The following IPO7 variants were observed in gnomAD, a reference collection of about 807,000 sequenced individuals.
IPO7 encodes the protein importin 7, also known as importin-7.
A neutral mutation model predicts 136.4 loss-of-function variants in IPO7; 13 were observed. That is an observed-to-expected ratio of 0.10 (90% CI 0.06 to 0.15). The LOEUF is 0.15. Among genes scored for constraint, IPO7 ranks in the 10% least tolerant of loss-of-function variants. The probability of loss-of-function intolerance (pLI) is 1.00; values close to 1 mark genes in which losing one functional copy is unlikely to be tolerated. For missense variants in IPO7, 857 were observed against 1,240.6 expected (o/e 0.69, Z 4.65); for synonymous variants, 403 against 404.4 (o/e 1.00, Z 0.04).
intron 1 of IPO7, among the ~76,000 whole-genome samples, chr11:9,389,330 T>C (rs1854596465): frequency 6.6e-6 from 1 of 152,222 alleles, no homozygotes; most frequent in Non-Finnish European, 1.5e-5. Context: ...ATTACAGGCA[T>C]GAGCCACCAC....
chr11:9,426,901 G>A (rs1176153082), intron 12 of IPO7, among the ~76,000 whole-genome samples: 1 of 107,484 alleles, frequency 9.3e-6, no homozygotes, highest in Non-Finnish European at 2.4e-5. Context: ...TGAGATTTCC[G>A]CCTCCCCGCC....
intron 13 of IPO7, 40 bp from the exon 14 acceptor site, chr11:9,428,991 G>A: frequency 1.9e-6 from 3 of 1,569,056 alleles, no homozygotes; most frequent in Non-Finnish European, 2.6e-6. Context: ...GGGAATTTAA[G>A]GTAAGGTATC....
At chr11:9,443,545 C>T (rs556075028) in intron 24 of IPO7, among the ~76,000 whole-genome samples, 28 of 145,110 alleles carry the variant, frequency 1.9e-4, no homozygotes, top group African/African-American at 6.2e-4. Context: ...GAGCCGAGGT[C>T]GCGCCATTGC....
At chr11:9,388,832 G>A (rs1406733690) in intron 1 of IPO7, among the ~76,000 whole-genome samples, 1 of 152,118 alleles carries the variant, frequency 6.6e-6, no homozygotes, top group Non-Finnish European at 1.5e-5. Flanking sequence ...CTCCCAGGTG[G>A]CTGGGACTGC....
intron 2 of IPO7, among the ~76,000 whole-genome samples, chr11:9,405,773 T>G (rs1227756937): frequency 1.3e-5 from 2 of 152,232 alleles, no homozygotes; most frequent in Non-Finnish European, 2.9e-5. Flanking sequence ...AACTCCCTGG[T>G]CAGCAGTAAA....
intron 1 of IPO7, among the ~76,000 whole-genome samples, chr11:9,401,916 A>T (rs563654615): frequency 1.3e-4 from 20 of 152,152 alleles, no homozygotes; most frequent in African/African-American, 4.6e-4. Flanking sequence ...ACTACCCCCA[A>T]ACTATTCATT....
chr11:9,418,991 A>ATT (rs1855083958), intron 6 of IPO7, among the ~76,000 whole-genome samples: 1 of 152,172 alleles, frequency 6.6e-6, no homozygotes, highest in Non-Finnish European at 1.5e-5. Flanking sequence ...GATATATCAC[A>ATT]ATTTATGTAT....
At chr11:9,397,341 A>AAAAAAAAAAAAAAATATATATATATATAT in intron 1 of IPO7, among the ~76,000 whole-genome samples, 15 of 10,758 alleles carry the variant, frequency 1.4e-3, no homozygotes, top group South Asian at 6.6e-3. Context: ...TTTAAAAAAA[A>AAAAAAAAAAAAAAATATATATATATATAT]ATATATATAT....
chr11:9,419,399 T>C (rs1855091385), intron 6 of IPO7, among the ~76,000 whole-genome samples: 1 of 151,436 alleles, frequency 6.6e-6, no homozygotes, highest in Admixed American at 6.6e-5. Context: ...AATACAAACA[T>C]TAGCTGGGCG....
In IPO7 at chr11:9,384,696, C is replaced by A; in HGVS notation, c.-68C>A. The A allele has an allele frequency of 7.6e-7, 1 of 1,323,232 alleles. No homozygotes were observed. The highest frequency in any genetic ancestry group is 1.0e-6 in the Non-Finnish European group (1 of 953,448). 82.0% of individuals were successfully genotyped at this position (1,323,232 alleles called of 1,614,324 possible). A position where few individuals can be genotyped will look rare whatever the true frequency, so the allele number is the denominator to read the frequency against. ...CTGCGGAGCGCGGCGGGTCCATGTG[C>A]GCAGTGAGTGGCGCTATTCCTGGCC... On this transcript the variant is annotated 5_prime_UTR_variant, in exon 1 of 25. The change creates a premature stop within an existing upstream ORF in the 5' untranslated region. Transcript: ENST00000379719.
chr11:9,430,334 A>G (rs561536924), intron 15 of IPO7: 73 of 155,100 alleles, frequency 4.7e-4, no homozygotes, highest in African/African-American at 1.7e-3. Context: ...CGGAGAAAAT[A>G]TGAGGTATAA....
At chr11:9,389,293 C>T (rs1854595212) in intron 1 of IPO7, among the ~76,000 whole-genome samples, 1 of 152,174 alleles carries the variant, frequency 6.6e-6, no homozygotes, top group Non-Finnish European at 1.5e-5. Flanking sequence ...AAGTGATCCA[C>T]TCACCTTGGC....
At chr11:9,431,993 G>GA (rs1190520044) in intron 16 of IPO7, among the ~76,000 whole-genome samples, 1 of 151,914 alleles carries the variant, frequency 6.6e-6, no homozygotes, top group African/African-American at 2.4e-5. Flanking sequence ...AAGAAAGAAA[G>GA]AAAAAACAAT....
Position 9,445,358 on chromosome 11 carries a change from C to G in IPO7, c.*164C>G. On this transcript the variant is annotated 3_prime_UTR_variant, in exon 25 of 25. Transcript: ENST00000379719. ...TGGGACCTGATCATGCAACCTGGCA[C>G]TGGAAAAGAAATCAGCGGGATTTTG... 1.7e-5 allele frequency: 3 copies of G among 176,486 alleles called. No homozygotes were observed. The highest frequency in any genetic ancestry group is 2.2e-5 in the Non-Finnish European group (2 of 91,230). 10.9% of individuals were successfully genotyped at this position (176,486 alleles called of 1,614,324 possible).
At chr11:9,429,926 T>G (rs1590448014) in intron 15 of IPO7, 92 bp downstream of exon 15, 1 of 896,598 alleles carries the variant, frequency 1.1e-6, no homozygotes. Flanking sequence ...CCTTACCTTA[T>G]AGCAGTCAAC....
At chr11:9,424,125 A>T (rs913439909) in intron 10 of IPO7, among the ~76,000 whole-genome samples, 3 of 152,208 alleles carry the variant, frequency 2.0e-5, no homozygotes, top group Non-Finnish European at 2.9e-5. Flanking sequence ...GATATTCAAG[A>T]TTACACCTCA....
intron 2 of IPO7, among the ~76,000 whole-genome samples, chr11:9,405,913 AG>A (rs2133733995): frequency 6.8e-6 from 1 of 147,158 alleles, no homozygotes; most frequent in African/African-American, 2.5e-5. Context: ...TGTCTTCCAC[AG>A]GGTCTTGATC....
chr11:9,414,141 C>T, intron 4 of IPO7, 114 bp from the exon 5 acceptor site: 2 of 738,342 alleles, frequency 2.7e-6, no homozygotes, highest in African/African-American at 1.8e-5. Flanking sequence ...TTTTCTTTTT[C>T]TAAATTGGTT....
At chr11:9,389,486 T>A (rs1854598446) in intron 1 of IPO7, among the ~76,000 whole-genome samples, 1 of 152,218 alleles carries the variant, frequency 6.6e-6, no homozygotes. Context: ...AAATTTATGA[T>A]CACTGCCTTT....
Sources: gnomAD v4.1 joint callset for allele counts (sites outside exome capture counted in the v4.1 genomes callset) on GRCh38, gnomAD v4.1.1 for gene constraint, MANE v1.5 for transcripts, NCBI Gene and HGNC (gene_info 2026-07-23, HGNC 2026-07-21) for gene names.